The following POU2AF2 variants were observed in gnomAD, a reference collection of about 807,000 sequenced individuals.
The protein encoded by POU2AF2 is POU domain class 2-associating factor 2.
the POU2AF2 span, among the ~76,000 whole-genome samples, chr11:111,281,231 G>T: frequency 1.1e-4 from 17 of 152,268 alleles, no homozygotes; most frequent in African/African-American, 4.1e-4. Flanking sequence ...GTAAAACTTT[G>T]TTCTATGGTA....
the POU2AF2 span, among the ~76,000 whole-genome samples, chr11:111,262,010 A>G: frequency 6.6e-6 from 1 of 152,200 alleles, no homozygotes; most frequent in Non-Finnish European, 1.5e-5. Flanking sequence ...TTGCATGCCA[A>G]TCTCAAGTGT....
chr11:111,245,836 C>G, the POU2AF2 span: 4 of 398,918 alleles, frequency 1.0e-5, no homozygotes, highest in Admixed American at 1.8e-4. Context: ...AGAAGGAAAT[C>G]CACCAGAAAC....
the POU2AF2 span, among the ~76,000 whole-genome samples, chr11:111,253,536 G>C: frequency 1.3e-5 from 2 of 152,108 alleles, no homozygotes; most frequent in Non-Finnish European, 2.9e-5. Flanking sequence ...AAACCTGTCT[G>C]ATCCTTGCCC....
the POU2AF2 span, among the ~76,000 whole-genome samples, chr11:111,278,544 ATCTCTCTCTCTGTCTC>A: frequency 7.2e-6 from 1 of 139,092 alleles, no homozygotes; most frequent in Non-Finnish European, 1.5e-5. Flanking sequence ...CAGAGAGATG[ATCTCTCTCTCTGTCTC>A]TCTCTCTCTC....
the POU2AF2 span, chr11:111,285,950 C>T: frequency 6.2e-7 from 1 of 1,613,948 alleles, no homozygotes; most frequent in African/African-American, 1.3e-5. Flanking sequence ...GCCACTCTCC[C>T]CAGATGAGGA....
the POU2AF2 span, chr11:111,281,544 C>A: frequency 1.6e-6 from 2 of 1,212,844 alleles, no homozygotes; most frequent in Non-Finnish European, 1.2e-6. Context: ...CAAAACTCTG[C>A]TCCTTTAAAA....
At chr11:111,264,109 T>C in the POU2AF2 span, among the ~76,000 whole-genome samples, 1 of 152,190 alleles carries the variant, frequency 6.6e-6, no homozygotes, top group Non-Finnish European at 1.5e-5. Context: ...AAGATGGCTT[T>C]GCTCCAAGTG....
the POU2AF2 span, among the ~76,000 whole-genome samples, chr11:111,246,776 C>G: frequency 5.9e-5 from 9 of 152,240 alleles, no homozygotes; most frequent in African/African-American, 2.2e-4. Context: ...TATAGTGAAA[C>G]AGATTAATAT....
At chr11:111,249,128 C>T in the POU2AF2 span, among the ~76,000 whole-genome samples, 2 of 152,274 alleles carry the variant, frequency 1.3e-5, no homozygotes, top group East Asian at 1.9e-4. Flanking sequence ...CGGAAGCACA[C>T]GTCTTTGTTT....
the POU2AF2 span, among the ~76,000 whole-genome samples, chr11:111,269,812 A>G: frequency 4.6e-5 from 7 of 152,302 alleles, no homozygotes; most frequent in African/African-American, 1.7e-4. Context: ...CAGCCTGAAC[A>G]TTATTTTGTG....
chr11:111,268,491 T>TA, the POU2AF2 span, among the ~76,000 whole-genome samples: 1 of 40,906 alleles, frequency 2.4e-5, no homozygotes, highest in Admixed American at 2.8e-4. Context: ...TATTTTATTT[T>TA]ATTTTATTTT....
chr11:111,253,532 G>A, the POU2AF2 span, among the ~76,000 whole-genome samples: 2 of 152,128 alleles, frequency 1.3e-5, no homozygotes, highest in Non-Finnish European at 2.9e-5. Context: ...GTTCAAACCT[G>A]TCTGATCCTT....
chr11:111,261,442 A>G, the POU2AF2 span, among the ~76,000 whole-genome samples: 1 of 152,218 alleles, frequency 6.6e-6, no homozygotes, highest in Non-Finnish European at 1.5e-5. Context: ...CCTAATAGTC[A>G]CAATTTTTCA....
chr11:111,245,959 GA>G, the POU2AF2 span: 1 of 396,044 alleles, frequency 2.5e-6, no homozygotes, highest in Non-Finnish European at 4.5e-6. Flanking sequence ...AGGTTAAGGA[GA>G]AATCTCCTAA....
chr11:111,284,271 A>G, the POU2AF2 span: 6 of 1,613,984 alleles, frequency 3.7e-6, no homozygotes, highest in Non-Finnish European at 5.1e-6. Context: ...TACGGAGACT[A>G]CCGGCCTCCG....
chr11:111,284,261 T>G, the POU2AF2 span: 1 of 1,614,146 alleles, frequency 6.2e-7, no homozygotes, highest in Non-Finnish European at 8.5e-7. Flanking sequence ...CCAGGAGCCC[T>G]ACGGAGACTA....
At chr11:111,263,723 G>A in the POU2AF2 span, among the ~76,000 whole-genome samples, 1 of 152,042 alleles carries the variant, frequency 6.6e-6, no homozygotes, top group Non-Finnish European at 1.5e-5. Flanking sequence ...GAGCCACTGT[G>A]CCCAGCCTGA....
chr11:111,268,486 TA>T, the POU2AF2 span, among the ~76,000 whole-genome samples: 8,544 of 39,456 alleles, frequency 0.22, 974 homozygotes, highest in South Asian at 0.4. Context: ...TTTTTTATTT[TA>T]TTTTATTTTA....
At chr11:111,264,892 G>A in the POU2AF2 span, among the ~76,000 whole-genome samples, 2 of 119,494 alleles carry the variant, frequency 1.7e-5, no homozygotes, top group African/African-American at 6.4e-5. Flanking sequence ...GAAAAGAAAA[G>A]AGAAGGAAGG....
Sources: gnomAD v4.1 joint callset for allele counts (sites outside exome capture counted in the v4.1 genomes callset) on GRCh38, gnomAD v4.1.1 for gene constraint, MANE v1.5 for transcripts, NCBI Gene and HGNC (gene_info 2026-07-23, HGNC 2026-07-21) for gene names.